Variants in AADAT observed in about 807,000 individuals in gnomAD.
AADAT encodes the protein aminoadipate aminotransferase.
A neutral mutation model predicts 56.2 loss-of-function variants in AADAT; 25 were observed. That is an observed-to-expected ratio of 0.44 (90% CI 0.32 to 0.62). The LOEUF is 0.62. AADAT is among the 20% of genes least tolerant of loss of function. AADAT has a pLI of 0.04. For missense variants in AADAT, 387 were observed against 510.5 expected (o/e 0.76, Z 2.33); for synonymous variants, 173 against 164.7 (o/e 1.05, Z -0.39).
intron 2 of AADAT, among the ~76,000 whole-genome samples, chr4:170,088,151 C>G (rs1469672921): frequency 6.6e-6 from 1 of 151,782 alleles, no homozygotes; most frequent in Non-Finnish European, 1.5e-5. Flanking sequence ...GTTAAACATT[C>G]AATATCCTTT....
At chr4:170,084,111 T>C (rs909809716) in intron 3 of AADAT, among the ~76,000 whole-genome samples, 1 of 152,194 alleles carries the variant, frequency 6.6e-6, no homozygotes, top group South Asian at 2.1e-4. Flanking sequence ...GAGGTCATTA[T>C]GTTAAGTGAA....
chr4:170,073,405 T>C, intron 4 of AADAT, 60 bp from the exon 5 acceptor site: 1 of 1,047,028 alleles, frequency 9.6e-7, no homozygotes, highest in Non-Finnish European at 1.2e-6. Context: ...TGCTATTGGT[T>C]TTTTTTTTTT....
intron 3 of AADAT, among the ~76,000 whole-genome samples, chr4:170,080,376 A>T (rs1201082613): frequency 6.6e-6 from 1 of 152,054 alleles, no homozygotes; most frequent in Non-Finnish European, 1.5e-5. Context: ...AAAAAGTGAG[A>T]TTGAGGTGGC....
chr4:170,074,873 G>GA (rs888006275), intron 4 of AADAT, among the ~76,000 whole-genome samples: 17 of 148,624 alleles, frequency 1.1e-4, no homozygotes, highest in African/African-American at 2.7e-4. Flanking sequence ...GCATTAAAAA[G>GA]AAAAAAAAAG....
chr4:170,072,550 T>C (rs931296676), intron 5 of AADAT, among the ~76,000 whole-genome samples: 1 of 152,202 alleles, frequency 6.6e-6, no homozygotes, highest in African/African-American at 2.4e-5. Flanking sequence ...GTTTGGTATT[T>C]ATTTTAAAAA....
At chr4:170,077,308 T>C (rs891407844) in intron 4 of AADAT, among the ~76,000 whole-genome samples, 1 of 152,208 alleles carries the variant, frequency 6.6e-6, no homozygotes, top group Non-Finnish European at 1.5e-5. Context: ...CAATATTAAG[T>C]CTTCCAATCT....
chr4:170,087,053 G>C, intron 3 of AADAT, 63 bp downstream of exon 3: 1 of 1,584,160 alleles, frequency 6.3e-7, no homozygotes, highest in Non-Finnish European at 8.6e-7. Context: ...TTAAGTGCGA[G>C]AGGACTATAG....
chr4:170,068,759 A>C, intron 7 of AADAT, 72 bp from the exon 8 acceptor site: 1 of 996,930 alleles, frequency 1.0e-6, no homozygotes, highest in Non-Finnish European at 1.5e-6. Flanking sequence ...TCCTGATTTC[A>C]TTAGACAGAC....
chr4:170,079,014 G>T (rs1732169253), intron 3 of AADAT, among the ~76,000 whole-genome samples: 1 of 152,154 alleles, frequency 6.6e-6, no homozygotes, highest in African/African-American at 2.4e-5. Context: ...TGTGTAAAGT[G>T]TCAGAGATAA....
At chr4:170,087,958 C>T (rs1465692739) in intron 2 of AADAT, among the ~76,000 whole-genome samples, 1 of 150,506 alleles carries the variant, frequency 6.6e-6, no homozygotes, top group African/African-American at 2.4e-5. Flanking sequence ...AATGAAGAAA[C>T]GGAAGATCCA....
At chr4:170,069,393 T>A (rs1417016459) in intron 6 of AADAT, among the ~76,000 whole-genome samples, 163 bp from the exon 7 acceptor site, 1 of 152,252 alleles carries the variant, frequency 6.6e-6, no homozygotes, top group Non-Finnish European at 1.5e-5. Context: ...CAAACAAAGA[T>A]GCAGATTCTT....
chr4:170,092,567 C>T (rs1732899677), upstream of AADAT, among the ~76,000 whole-genome samples: 1 of 152,226 alleles, frequency 6.6e-6, no homozygotes, highest in African/African-American at 2.4e-5. Flanking sequence ...CAAAACCCCA[C>T]CAATTCCAGG....
chr4:170,082,298 G>GT (rs1268737923), intron 3 of AADAT, among the ~76,000 whole-genome samples: 3 of 152,048 alleles, frequency 2.0e-5, no homozygotes, highest in Non-Finnish European at 4.4e-5. Flanking sequence ...ATTTTTTTAT[G>GT]TTTTTTGCAT....
intron 3 of AADAT, among the ~76,000 whole-genome samples, chr4:170,084,393 G>T (rs953825806): frequency 6.6e-6 from 1 of 152,104 alleles, no homozygotes; most frequent in Non-Finnish European, 1.5e-5. Context: ...AAATGGATGG[G>T]GAGATCAACG....
At chr4:170,081,456 T>A (rs1009324288) in intron 3 of AADAT, among the ~76,000 whole-genome samples, 6 of 152,006 alleles carry the variant, frequency 3.9e-5, no homozygotes, top group Non-Finnish European at 5.9e-5. Flanking sequence ...CAGAAGAAGG[T>A]CTGAGAACAT....
chr4:170,092,426 A>G (rs1280866797), upstream of AADAT, among the ~76,000 whole-genome samples: 1 of 152,234 alleles, frequency 6.6e-6, no homozygotes, highest in Non-Finnish European at 1.5e-5. Flanking sequence ...CAGTGAGACC[A>G]CGAACCCACC....
Position 170,087,155 on chromosome 4 carries a change from A to G in AADAT, c.330T>C (p.Asp110=), listed in dbSNP as rs1465895284. 2 of 1,614,044 alleles carry G rather than the reference A, an allele frequency of 1.2e-6. No homozygotes were observed. The highest frequency in any genetic ancestry group is 1.7e-6 in the Non-Finnish European group (2 of 1,180,046). The change falls in exon 3 of 13, where the codon GAT becomes GAC. Residue 110 remains aspartate (D), a synonymous_variant. Transcript: ENST00000337664. ...GTTGGCTGCCAGATGTGACACATAG[A>G]TCCATTTGTCCTTGACTGGGTGGGT... The part of the protein sequence containing the change: ...IHYPPSQGQM[D]LCVTSGSQQG...
intron 5 of AADAT, among the ~76,000 whole-genome samples, chr4:170,071,359 C>T (rs775583838): frequency 2.6e-5 from 4 of 152,150 alleles, no homozygotes; most frequent in Non-Finnish European, 5.9e-5. Flanking sequence ...GTCAGTTGTG[C>T]AAATATCAGA....
chr4:170,074,441 T>A (rs559206113), intron 4 of AADAT, among the ~76,000 whole-genome samples: 1 of 152,260 alleles, frequency 6.6e-6, no homozygotes, highest in African/African-American at 2.4e-5. Flanking sequence ...ATCTTCATAA[T>A]TATAATTATT....
Sources: gnomAD v4.1 joint callset for allele counts (sites outside exome capture counted in the v4.1 genomes callset) on GRCh38, gnomAD v4.1.1 for gene constraint, MANE v1.5 for transcripts, NCBI Gene and HGNC (gene_info 2026-07-23, HGNC 2026-07-21) for gene names.